Variants in SYNRG observed in about 807,000 individuals in gnomAD.
SYNRG encodes the protein synergin gamma.
A neutral mutation model predicts 130.9 loss-of-function variants in SYNRG; 37 were observed. The observed-to-expected ratio is 0.28, with a 90% CI of 0.22 to 0.37. SYNRG has a LOEUF of 0.37. Among genes scored for constraint, SYNRG ranks in the 10% least tolerant of loss-of-function variants. SYNRG has a pLI of 1.00. For synonymous variants in SYNRG, 539 were observed against 568.1 expected (o/e 0.95, Z 0.73); for missense variants, 1,338 against 1,588.9 (o/e 0.84, Z 2.68).
intron 2 of SYNRG, among the ~76,000 whole-genome samples, chr17:37,599,294 T>A (rs143010921): frequency 6.6e-6 from 1 of 152,210 alleles, no homozygotes; most frequent in African/African-American, 2.4e-5. Flanking sequence ...TGTGTCCCAG[T>A]TGCATGGCAG....
rs771411810 is a variant in SYNRG, at chr17:37,571,800, C to T, written c.1089G>A (p.Ala363=). The change falls in exon 9 of 22, where the codon GCG becomes GCA. Residue 363 remains alanine (A), a synonymous_variant. Transcript: ENST00000612223. ...EELYTVLAMI[A]VTQRGVPAMS... is the part of the protein sequence containing the mutation. ...AAGAAACATTGTTTACCTGTGTTAC[C>T]GCTATCATGGCTAGAACGGTATAAA... is the stretch of plus-strand genomic sequence containing the variant. 1.1e-5 allele frequency: 17 copies of T among 1,607,518 alleles called. No homozygotes were observed. Among genetic ancestry groups the T allele is most frequent in the Admixed American group, 1.7e-5 (1 of 58,612 alleles).
intron 1 of SYNRG, among the ~76,000 whole-genome samples, chr17:37,605,302 C>CTA (rs1006730720): frequency 4.6e-5 from 7 of 152,196 alleles, no homozygotes; most frequent in Non-Finnish European, 8.8e-5. Context: ...CAGGCTTAAA[C>CTA]ATTTAAATTA....
At chr17:37,591,019 C>T (rs190214444) in intron 3 of SYNRG, among the ~76,000 whole-genome samples, 226 of 152,074 alleles carry the variant, frequency 1.5e-3, no homozygotes, top group Non-Finnish European at 2.6e-3. Context: ...AAATGTAAAA[C>T]AAACGTGGCA....
At chr17:37,596,587 A>C (rs2062792966) in intron 2 of SYNRG, among the ~76,000 whole-genome samples, 1 of 152,152 alleles carries the variant, frequency 6.6e-6, no homozygotes, top group Non-Finnish European at 1.5e-5. Flanking sequence ...TGGAATTTGT[A>C]TGCATATTAA....
At chr17:37,556,584 TTCC>T (rs2059140481) in intron 13 of SYNRG, among the ~76,000 whole-genome samples, 1 of 151,712 alleles carries the variant, frequency 6.6e-6, no homozygotes, top group Non-Finnish European at 1.5e-5. Flanking sequence ...AAGCTAATTT[TTCC>T]TCCTAACCTG....
intron 13 of SYNRG, among the ~76,000 whole-genome samples, chr17:37,558,551 GATC>G (rs911993123): frequency 2.0e-5 from 3 of 152,128 alleles, no homozygotes; most frequent in African/African-American, 7.2e-5. Context: ...ACTCCCAAAT[GATC>G]ATTTTATATT....
chr17:37,561,587 G>A lies in SYNRG; in HGVS notation c.1484C>T (p.Ala495Val), dbSNP rs1185118362. 6.2e-7 allele frequency: 1 copy of A among 1,605,206 alleles called. No individual in the cohort carries two copies. The highest frequency in any genetic ancestry group is 1.7e-5 in the Admixed American group (1 of 59,920). Residue 495 changes from alanine (A) to valine (V), a missense_variant and splice_region_variant, in exon 12 of 22, where the codon GCC becomes GTC. Around this residue, in one of 3 missense-constraint regions of SYNRG, gnomAD observed 1,146 missense variants for 1,342.3 expected, o/e 0.85. Coordinates refer to ENST00000612223, the MANE Select transcript of SYNRG (RefSeq NM_007247.6). The stretch of plus-strand genomic sequence containing the variant: ...AGGAAGTGGCATCAACAAAGAAGGG[G>A]CACTGAAGGAAAAAATAAACATATT... The part of the protein sequence containing the change: ...KTSNSQHGNS[A>V]PSLLMPLPGT...
intron 13 of SYNRG, among the ~76,000 whole-genome samples, chr17:37,560,611 A>G (rs958604990): frequency 6.8e-6 from 1 of 147,368 alleles, no homozygotes; most frequent in Non-Finnish European, 1.5e-5. Flanking sequence ...AGTGCTGGGA[A>G]TACAGGTGTG....
rs932991892 is a variant in SYNRG at position 37,561,602 on chromosome 17, A to T, written c.1482-13T>A. 6.3e-7 allele frequency: 1 copy of T among 1,591,988 alleles called. No individual in the cohort carries two copies. The highest frequency in any genetic ancestry group is 1.7e-5 in the Admixed American group (1 of 59,910). On this transcript the variant is annotated splice_polypyrimidine_tract_variant and intron_variant, in intron 11 of 21. Coordinates refer to ENST00000612223, the MANE Select transcript of SYNRG (RefSeq NM_007247.6). ...CAAAGAAGGGGCACTGAAGGAAAAA[A>T]TAAACATATTTTGATGACATTGAAT...
chr17:37,524,797 T>G (rs1336310407), intron 19 of SYNRG, among the ~76,000 whole-genome samples: 3 of 152,224 alleles, frequency 2.0e-5, no homozygotes, highest in Non-Finnish European at 4.4e-5. Context: ...AATTATTCAC[T>G]TTGACGAACT....
At chr17:37,522,477 ATTTAT>A (rs1396765036) in intron 19 of SYNRG, among the ~76,000 whole-genome samples, 1 of 150,276 alleles carries the variant, frequency 6.7e-6, no homozygotes, top group East Asian at 2.0e-4. Context: ...ATTTTTATTT[ATTTAT>A]TTTGAGACAG....
rs2054329017 is a variant in SYNRG at position 37,515,138 on chromosome 17, T to G, written c.*3802A>C. 6.6e-6 allele frequency: 1 copy of G among 152,192 alleles called. No individual in the cohort carries two copies. The highest frequency in any genetic ancestry group is 2.1e-4 in the South Asian group (1 of 4,828). The allele number at this position is 152,192 out of a possible 1,614,324, so 9.4% of individuals were successfully genotyped here. Reference sequence around the variant, plus strand: ...ATAAATAATGGAATTAAGTAAAAACTTCATTATAATGCTATTTTGTTAGAA... The same window carrying G: ...ATAAATAATGGAATTAAGTAAAAACGTCATTATAATGCTATTTTGTTAGAA... On this transcript the variant is annotated 3_prime_UTR_variant, in exon 22 of 22. Coordinates refer to ENST00000612223, the MANE Select transcript of SYNRG (RefSeq NM_007247.6).
At chr17:37,564,018 A>ATTT (rs1008704376) in intron 11 of SYNRG, among the ~76,000 whole-genome samples, 2 of 144,558 alleles carry the variant, frequency 1.4e-5, no homozygotes, top group Non-Finnish European at 3.1e-5. Flanking sequence ...TAATTTTTGT[A>ATTT]TTTTTTTTTT....
intron 19 of SYNRG, among the ~76,000 whole-genome samples, chr17:37,534,010 C>G (rs1200047344): frequency 1.6e-5 from 2 of 122,034 alleles, no homozygotes; most frequent in African/African-American, 3.1e-5. Flanking sequence ...TCTCAGCTTA[C>G]TACAACCTCC....
intron 16 of SYNRG, 71 bp downstream of exon 16, chr17:37,540,309 A>C: frequency 2.6e-6 from 4 of 1,535,502 alleles, no homozygotes; most frequent in South Asian, 1.2e-5. Flanking sequence ...GAAAGCTGAC[A>C]GCATTCTTTC....
At chr17:37,540,631 T>A in intron 15 of SYNRG, 88 bp from the exon 16 acceptor site, 218 of 177,414 alleles carry the variant, frequency 1.2e-3, no homozygotes, top group Non-Finnish European at 1.8e-3. Flanking sequence ...AACCCTCTTC[T>A]TTTTTTTTTT....
chr17:37,520,685 C>CCAG (rs778999800), intron 19 of SYNRG, 37 bp from the exon 20 acceptor site: 24 of 1,554,932 alleles, frequency 1.5e-5, no homozygotes, highest in Non-Finnish European at 2.0e-5. Context: ...AAGAAGTCCA[C>CCAG]AAGTCCACAC....
rs748653289 is a variant in SYNRG, at chr17:37,518,687, G to A, written c.*253C>T. ...TTCTTCCTTAGATCAAGAAAGCCGT[G>A]GTCCGTATTTCAGAAAATCTTAAGT... On this transcript the variant is annotated 3_prime_UTR_variant, in exon 22 of 22. Transcript: ENST00000612223. The A allele has an allele frequency of 7.2e-6, 3 of 415,854 alleles. No individual in the cohort carries two copies. Among genetic ancestry groups the A allele is most frequent in the Non-Finnish European group, 1.3e-5 (3 of 234,426 alleles). 25.8% of individuals were successfully genotyped at this position (415,854 alleles called of 1,614,324 possible). A position where few individuals can be genotyped will look rare whatever the true frequency, so the allele number is the denominator to read the frequency against.
At chr17:37,603,312 T>C (rs28401544) in intron 1 of SYNRG, among the ~76,000 whole-genome samples, 10,101 of 152,218 alleles carry the variant, frequency 0.066, 1,099 homozygotes, top group African/African-American at 0.22. Context: ...GAGACCAGCC[T>C]GGGCAACATA....
Sources: gnomAD v4.1 joint callset for allele counts (sites outside exome capture counted in the v4.1 genomes callset) on GRCh38, gnomAD v4.1.1 for gene constraint, gnomAD v4.1.1 regional missense constraint, MANE v1.5 for transcripts, NCBI Gene and HGNC (gene_info 2026-07-23, HGNC 2026-07-21) for gene names.